Variants in SAMD9 observed in about 807,000 individuals in gnomAD.
SAMD9 encodes sterile alpha motif domain-containing protein 9.
A neutral mutation model predicts 1.5 loss-of-function variants in SAMD9; 3 were observed. That is an observed-to-expected ratio of 2.05 (90% confidence interval 0.93 to 5.29). The LOEUF is 5.29. SAMD9 is among the 30% of genes most tolerant of loss of function. The pLI, the probability that SAMD9 is intolerant of heterozygous loss-of-function variation, is 0.02. For synonymous variants in SAMD9, 635 were observed against 631.9 expected (o/e 1.00, Z -0.07); for missense variants, 1,597 against 1,820.8 (o/e 0.88, Z 2.24).
At position 93,101,237 on chromosome 7, in the gene SAMD9, T is replaced by G. The variant is rs1399979778; in HGVS notation, c.*91A>C. The G allele has an allele frequency of 6.2e-6, 6 of 970,478 alleles. No homozygotes were observed. The Admixed American group carries it at 1.0e-4, about 16-fold the overall frequency. The allele number at this position is 970,478 out of a possible 1,614,324, so 60.1% of individuals were successfully genotyped here. On this transcript the variant is annotated 3_prime_UTR_variant, in exon 3 of 3. Transcript: ENST00000379958. ...GATCTGAAGAGCTAGAGGCTGTATC[T>G]ATAACCTTGCCGGTTTAAAGCATAG...
chr7:93,109,739 A>G (rs576225130), intron 2 of SAMD9, among the ~76,000 whole-genome samples: 1 of 152,244 alleles, frequency 6.6e-6, no homozygotes, highest in Non-Finnish European at 1.5e-5. Flanking sequence ...AAATGAAGCC[A>G]GAAGAGAAGT....
rs771216384 is a variant in SAMD9, at chr7:93,101,937, A to G, written c.4161T>C (p.Asn1387=). ...TVKIQSKEKL[N]FILANIILSC... ...AGAGAATAATGTTGGCCAAGATGAA[A>G]TTTAGCTTTTCTTTTGACTGGATTT... Residue 1387 remains asparagine (N), a synonymous_variant, in exon 3 of 3, where the codon AAT becomes AAC. Transcript: ENST00000379958. 6.2e-7 allele frequency: 1 copy of G among 1,613,884 alleles called. No individual in the cohort carries two copies. The highest frequency in any genetic ancestry group is 1.7e-4 in the Middle Eastern group (1 of 6,060).
At position 93,105,706 on chromosome 7, in the gene SAMD9, G is replaced by A; in HGVS notation, c.392C>T (p.Thr131Ile). 2 of 1,614,018 alleles carry A rather than the reference G, an allele frequency of 1.2e-6. No homozygotes were observed. Among genetic ancestry groups the A allele is most frequent in the Non-Finnish European group, 1.7e-6 (2 of 1,179,978 alleles). Residue 131 changes from threonine to isoleucine, a missense_variant, in exon 3 of 3, where the codon ACT becomes ATT. By Grantham distance (89) the Thr-to-Ile change is moderately conservative. Around this residue, in one of 6 missense-constraint regions of SAMD9, gnomAD observed 498 missense variants for 457.4 expected, o/e 1.09. Transcript: ENST00000379958. Reference sequence around the variant, plus strand: ...TTTTAGTGACTTAGAACCTTTAGCAGTTGTACTCATTGCAGACGGATTAGC... The same window carrying A: ...TTTTAGTGACTTAGAACCTTTAGCAATTGTACTCATTGCAGACGGATTAGC... ...DMANPSAMST[T>I]AKGSKSLKVE...
chr7:93,108,745 C>G (rs6957832), intron 2 of SAMD9, among the ~76,000 whole-genome samples: 72,594 of 152,060 alleles, frequency 0.48, 21,491 homozygotes, highest in African/African-American at 0.83. Flanking sequence ...CGGCAGCAAG[C>G]CTGGGGGAGG....
chr7:93,109,868 GT>G (rs1474794741), intron 2 of SAMD9, among the ~76,000 whole-genome samples: 2 of 152,216 alleles, frequency 1.3e-5, no homozygotes, highest in African/African-American at 4.8e-5. Flanking sequence ...ATGGAACCAA[GT>G]TGGAAAACAC....
chr7:93,101,661 T>A lies in SAMD9; in HGVS notation c.4437A>T (p.Ala1479=). The A allele has an allele frequency of 6.2e-7, 1 of 1,613,866 alleles. No individual in the cohort carries two copies. ...KHMHRTKQPI[A]YFFLGKGKRL... is the part of the protein sequence containing the mutation. ...TTTTACCTTTTCCAAGAAAGAAATA[T>A]GCAATTGGTTGCTTTGTACGATGCA... The change falls in exon 3 of 3, where the codon GCA becomes GCT. Residue 1479 remains alanine (A), a synonymous_variant. Transcript: ENST00000379958.
At chr7:93,114,306 G>T (rs1159867655) in intron 2 of SAMD9, among the ~76,000 whole-genome samples, 54 of 136,358 alleles carry the variant, frequency 4.0e-4, no homozygotes, top group Non-Finnish European at 6.9e-4. Flanking sequence ...GTTGTGGGGT[G>T]GGGGAGGGGG....
chr7:93,109,189 G>C (rs780595610), intron 2 of SAMD9, among the ~76,000 whole-genome samples: 2 of 152,132 alleles, frequency 1.3e-5, no homozygotes, highest in East Asian at 1.9e-4. Context: ...AGTCAAACAG[G>C]GTCTGGAGTG....
At position 93,102,059 on chromosome 7, in the gene SAMD9, G is replaced by C. The variant is rs749496405; in HGVS notation, c.4039C>G (p.Leu1347Val). The stretch of plus-strand genomic sequence containing the variant: ...TGACTTTTGATAAGATATTCCAAGA[G>C]CCCAGAAAACTTGTCTGCTTTTAAA... ...VALKADKFSG[L>V]LEYLIKSQED... The change falls in exon 3 of 3, where the codon CTC becomes GTC. Residue 1347 changes from leucine (L) to valine (V), a missense_variant. Physicochemically the swap from Leu to Val is conservative, Grantham distance 32 (BLOSUM62 1). This residue lies in a region of SAMD9 where 682 missense variants were observed against 810.0 expected (regional missense o/e 0.84). Transcript: ENST00000379958. 2.5e-6 allele frequency: 4 copies of C among 1,613,144 alleles called. No individual in the cohort carries two copies. The highest frequency in any genetic ancestry group is 1.7e-5 in the Admixed American group (1 of 60,000).
Position 93,103,254 on chromosome 7 carries a change from C to A in SAMD9, c.2844G>T (p.Lys948Asn). ...CAAATTTTTCTGTCCCCCAGAAAGCCTTCTTGTTTCCAATTCCTAAGAATT... is the reference window on the plus strand; with the variant it reads ...CAAATTTTTCTGTCCCCCAGAAAGCATTCTTGTTTCCAATTCCTAAGAATT... ...CEKFLGIGNK[K>N]AFWGTEKFED... Residue 948 changes from lysine (K) to asparagine (N), a missense_variant, in exon 3 of 3, where the codon AAG becomes AAT. Coordinates refer to ENST00000379958, the MANE Select transcript of SAMD9 (RefSeq NM_017654.4). The A allele has an allele frequency of 6.2e-7, 1 of 1,613,666 alleles. No homozygotes were observed. The highest frequency in any genetic ancestry group is 8.5e-7 in the Non-Finnish European group (1 of 1,179,698).
rs531647153 is a variant in SAMD9, at chr7:93,099,622, G to C, written c.*1706C>G. The C allele has an allele frequency of 2.6e-5, 4 of 152,334 alleles. No individual in the cohort carries two copies. The highest frequency in any genetic ancestry group is 2.1e-4 in the South Asian group (1 of 4,832). 9.4% of individuals were successfully genotyped at this position (152,334 alleles called of 1,614,324 possible). On this transcript the variant is annotated 3_prime_UTR_variant, in exon 3 of 3. Coordinates refer to ENST00000379958, the MANE Select transcript of SAMD9 (RefSeq NM_017654.4). ...AGAAGCAAGGGAAAATCTTCCTCCA[G>C]TGAAAAAATTCTAATGAGATTTTGA...
At position 93,105,749 on chromosome 7, in the gene SAMD9, T is replaced by C; in HGVS notation, c.349A>G (p.Lys117Glu). 1 of 1,614,114 alleles carries C rather than the reference T, an allele frequency of 6.2e-7. No individual in the cohort carries two copies. Among genetic ancestry groups the C allele is most frequent in the Non-Finnish European group, 8.5e-7 (1 of 1,180,014 alleles). ...RETSKQKQKG[K>E]ENPDMANPSA... Reference sequence around the variant, plus strand: ...GGATTAGCCATATCTGGGTTCTCTTTACCCTTTTGTTTTTGCTTTGAAGTT... The same window carrying C: ...GGATTAGCCATATCTGGGTTCTCTTCACCCTTTTGTTTTTGCTTTGAAGTT... Residue 117 changes from lysine to glutamate, a missense_variant, in exon 3 of 3, where the codon AAA (lysine) becomes GAA (glutamate). By Grantham distance (56) the Lys-to-Glu change is moderately conservative. Coordinates refer to ENST00000379958, the MANE Select transcript of SAMD9 (RefSeq NM_017654.4).
chr7:93,114,013 G>A (rs1272902603), intron 2 of SAMD9, among the ~76,000 whole-genome samples: 16 of 151,938 alleles, frequency 1.1e-4, no homozygotes, highest in Non-Finnish European at 1.8e-4. Flanking sequence ...TGTTTATTGC[G>A]GCACTATTCA....
Position 93,101,578 on chromosome 7 carries a change from T to A in SAMD9, c.4520A>T (p.Asp1507Val), listed in dbSNP as rs755910665. 1 of 1,613,892 alleles carries A rather than the reference T, an allele frequency of 6.2e-7. No individual in the cohort carries two copies. The highest frequency in any genetic ancestry group is 8.5e-7 in the Non-Finnish European group (1 of 1,179,802). Reference sequence around the variant, plus strand: ...TCCACTCTGCCACAAGGAATTAATATCTGGTGTCTTCTTAAAGCACTGGTC... The same window carrying A: ...TCCACTCTGCCACAAGGAATTAATAACTGGTGTCTTCTTAAAGCACTGGTC... ...KIDQCFKKTP[D>V]INSLWQSGDV... The change falls in exon 3 of 3, where the codon GAT becomes GTT. Residue 1507 changes from aspartate to valine, a missense_variant. Around this residue, in one of 6 missense-constraint regions of SAMD9, gnomAD observed 682 missense variants for 810.0 expected, o/e 0.84. Transcript: ENST00000379958.
chr7:93,102,016 G>A lies in SAMD9; in HGVS notation c.4082C>T (p.Thr1361Ile). ...ATATTCGTTCACTATACATTTCATA[G>A]TGCTTATAGCATCCTCTTGACTTTT... ...LIKSQEDAISTMKCIVNEYTF... is the reference protein window; with the variant it reads ...LIKSQEDAISIMKCIVNEYTF... Residue 1361 changes from threonine to isoleucine, a missense_variant, in exon 3 of 3, where the codon ACT becomes ATT. By Grantham distance (89) the Thr-to-Ile change is moderately conservative. Transcript: ENST00000379958. The A allele has an allele frequency of 6.2e-7, 1 of 1,613,474 alleles. No individual in the cohort carries two copies. Among genetic ancestry groups the A allele is most frequent in the South Asian group, 1.1e-5 (1 of 91,080 alleles).
intron 2 of SAMD9, among the ~76,000 whole-genome samples, chr7:93,112,635 C>A (rs1406131680): frequency 3.9e-5 from 6 of 152,200 alleles, no homozygotes; most frequent in African/African-American, 1.4e-4. Context: ...GTGCAAAAAT[C>A]ACAAGCATTC....
chr7:93,103,585 G>C lies in SAMD9; in HGVS notation c.2513C>G (p.Ser838Ter). 1 of 1,613,196 alleles carries C rather than the reference G, an allele frequency of 6.2e-7. No individual in the cohort carries two copies. The highest frequency in any genetic ancestry group is 8.5e-7 in the Non-Finnish European group (1 of 1,179,434). Residue 838 changes from serine (S) to a stop codon, truncating the protein, a stop_gained, in exon 3 of 3, where the codon TCA (serine) becomes TGA (stop). Coordinates refer to ENST00000379958, the MANE Select transcript of SAMD9 (RefSeq NM_017654.4). LOFTEE classifies it low-confidence loss of function (END_TRUNC). ...CCTTGCACTTTTTTCAGGATTTTGT[G>C]ATCTCATACAATTTAGGATAATCAC... ...PLVIILNCMR[S>*]QNPEKSARIP...
At chr7:93,113,551 C>T (rs1038121781) in intron 2 of SAMD9, among the ~76,000 whole-genome samples, 2 of 151,958 alleles carry the variant, frequency 1.3e-5, no homozygotes, top group African/African-American at 4.8e-5. Context: ...TACAATCTAC[C>T]CATCTGACAA....
Position 93,102,897 on chromosome 7 carries a change from A to G in SAMD9, c.3201T>C (p.Val1067=), listed in dbSNP as rs1356774960. 6.2e-7 allele frequency: 1 copy of G among 1,613,766 alleles called. No homozygotes were observed. Among genetic ancestry groups the G allele is most frequent in the Non-Finnish European group, 8.5e-7 (1 of 1,179,846 alleles). Residue 1067 remains valine, a synonymous_variant, in exon 3 of 3, where the codon GTT becomes GTC. Coordinates refer to ENST00000379958, the MANE Select transcript of SAMD9 (RefSeq NM_017654.4). ...ALHKDEGNEA[V]EAVLLESIHR... is the part of the protein sequence containing the mutation. ...GGATACTTTCAAGCAATACAGCTTC[A>G]ACTGCTTCATTTCCTTCATCTTTAT...
Sources: gnomAD v4.1 joint callset for allele counts (sites outside exome capture counted in the v4.1 genomes callset) on GRCh38, gnomAD v4.1.1 for gene constraint, gnomAD v4.1.1 regional missense constraint, MANE v1.5 for transcripts, NCBI Gene and HGNC (gene_info 2026-07-23, HGNC 2026-07-21) for gene names.